ALK: variants seen among roughly 807,000 people sequenced by gnomAD.
The protein encoded by ALK is ALK tyrosine kinase receptor.
A neutral mutation model predicts 163.1 loss-of-function variants in ALK; 74 were observed. The observed-to-expected ratio is 0.45, with a 90% CI of 0.38 to 0.55. The LOEUF is 0.55. Ranked by LOEUF, ALK falls within the 20% of genes least tolerant of loss-of-function variation. ALK has a pLI of 0.00. For synonymous variants in ALK, 960 were observed against 843.2 expected (o/e 1.14, Z -2.40); for missense variants, 2,063 against 2,105.3 (o/e 0.98, Z 0.39).
At chr2:29,772,896 T>G (rs1681065579) in intron 1 of ALK, among the ~76,000 whole-genome samples, 1 of 152,174 alleles carries the variant, frequency 6.6e-6, no homozygotes, top group Non-Finnish European at 1.5e-5. Context: ...TGGCTTACCA[T>G]GCAACACAAG....
intron 1 of ALK, among the ~76,000 whole-genome samples, chr2:29,804,432 C>T (rs917655920): frequency 2.6e-5 from 4 of 152,186 alleles, no homozygotes; most frequent in Non-Finnish European, 4.4e-5. Context: ...TGGGTCACAA[C>T]GGACTTTCAA....
rs2148250122 is a variant in ALK at position 29,646,500 on chromosome 2, TC to T, written c.952+48349del. ...TCCAAACCCTCCAAAACCTTCCATT[TC>T]TCTAAGAGTATAAGCCAAAGTCCTT... On this transcript the variant is annotated intron_variant, in intron 3 of 28. Coordinates refer to ENST00000389048, the MANE Select transcript of ALK (RefSeq NM_004304.5). Among the ~76,000 whole-genome samples the T allele has an allele frequency of 1.3e-5, 2 of 152,220 alleles. 1 individual carries two copies. The highest frequency in any genetic ancestry group is 1.3e-4 in the Admixed American group (2 of 15,280).
At chr2:29,449,054 TA>T (rs1339974667) in intron 4 of ALK, among the ~76,000 whole-genome samples, 1 of 152,206 alleles carries the variant, frequency 6.6e-6, no homozygotes, top group Middle Eastern at 3.2e-3. Flanking sequence ...ACAAAGGCCA[TA>T]AACAATCTTT....
chr2:29,788,117 C>T (rs1189455407), intron 1 of ALK, among the ~76,000 whole-genome samples: 1 of 152,216 alleles, frequency 6.6e-6, no homozygotes, highest in Non-Finnish European at 1.5e-5. Context: ...TAGCCTATGA[C>T]CTGTCTATAA....
At chr2:29,280,538 G>A (rs1231756184) in intron 9 of ALK, among the ~76,000 whole-genome samples, 2 of 151,942 alleles carry the variant, frequency 1.3e-5, no homozygotes, top group African/African-American at 4.8e-5. Context: ...GAACACTGTG[G>A]GACTGAGGGG....
At chr2:29,883,033 G>C (rs1013242079) in intron 1 of ALK, among the ~76,000 whole-genome samples, 1 of 151,222 alleles carries the variant, frequency 6.6e-6, no homozygotes, top group Non-Finnish European at 1.5e-5. Context: ...TTTTCATGAA[G>C]GAAGGAAGGA....
At chr2:29,215,519 CGAT>C (rs1489786814) in intron 23 of ALK, among the ~76,000 whole-genome samples, 2 of 152,114 alleles carry the variant, frequency 1.3e-5, no homozygotes, top group Admixed American at 6.5e-5. Context: ...TCCATATTAA[CGAT>C]GAGAAGGCTG....
At chr2:29,620,073 A>G (rs1408234406) in intron 3 of ALK, among the ~76,000 whole-genome samples, 1 of 152,238 alleles carries the variant, frequency 6.6e-6, no homozygotes, top group East Asian at 1.9e-4. Context: ...TAATGCCTCA[A>G]TCTCTTAATC....
intron 1 of ALK, among the ~76,000 whole-genome samples, chr2:29,730,634 A>G (rs964931673): frequency 6.6e-6 from 1 of 152,212 alleles, no homozygotes; most frequent in Non-Finnish European, 1.5e-5. Flanking sequence ...AGAATCAGAG[A>G]GGCTAAGCCA....
chr2:29,210,289 G>A (rs1483554758), intron 24 of ALK, among the ~76,000 whole-genome samples: 1 of 152,154 alleles, frequency 6.6e-6, no homozygotes, highest in East Asian at 1.9e-4. Context: ...ATAACATAGG[G>A]CCATAAGGAA....
intron 14 of ALK, among the ~76,000 whole-genome samples, chr2:29,233,243 A>G (rs1000664141): frequency 3.3e-5 from 5 of 152,138 alleles, no homozygotes; most frequent in African/African-American, 9.7e-5. Context: ...CCTGGGTTCA[A>G]ATGATCCTCC....
At chr2:29,785,972 C>G (rs2148353823) in intron 1 of ALK, among the ~76,000 whole-genome samples, 1 of 150,890 alleles carries the variant, frequency 6.6e-6, no homozygotes. Context: ...ACCCTCTCTG[C>G]AAGGTTGGAA....
chr2:29,404,069 T>C (rs6547923), intron 4 of ALK, among the ~76,000 whole-genome samples: 141,484 of 152,148 alleles, frequency 0.93, 66,539 homozygotes, highest in Non-Finnish European at 1. Flanking sequence ...TTTGGGAGGC[T>C]GAGGTGGGTG....
At chr2:29,375,594 G>A (rs1184137471) in intron 5 of ALK, among the ~76,000 whole-genome samples, 1 of 152,154 alleles carries the variant, frequency 6.6e-6, no homozygotes. Flanking sequence ...TGGGATTACA[G>A]GTGTGAGCCA....
intron 4 of ALK, among the ~76,000 whole-genome samples, chr2:29,451,667 A>G (rs1490260083): frequency 6.6e-6 from 1 of 152,202 alleles, no homozygotes; most frequent in Admixed American, 6.5e-5. Context: ...TGCCGCATCC[A>G]AATCCGACAG....
At position 29,192,847 on chromosome 2, in the gene ALK, A is replaced by C; in HGVS notation, c.*377T>G. ...TGGCTCATGTCCACATCAACAAGGC[A>C]AGGAAACATCTATGACCCCAACTAT... On this transcript the variant is annotated 3_prime_UTR_variant, in exon 29 of 29. Coordinates refer to ENST00000389048, the MANE Select transcript of ALK (RefSeq NM_004304.5). The C allele has an allele frequency of 2.6e-6, 1 of 379,588 alleles. No homozygotes were observed. Among genetic ancestry groups the C allele is most frequent in the Non-Finnish European group, 4.9e-6 (1 of 204,920 alleles). The allele number at this position is 379,588 out of a possible 1,614,324, so 23.5% of individuals were successfully genotyped here.
chr2:29,620,767 G>A (rs775939434), intron 3 of ALK, among the ~76,000 whole-genome samples: 1 of 152,154 alleles, frequency 6.6e-6, no homozygotes, highest in East Asian at 1.9e-4. Context: ...TTACATGGGC[G>A]ATACAGTATA....
intron 1 of ALK, among the ~76,000 whole-genome samples, chr2:29,831,253 G>GAA (rs1665403948): frequency 6.0e-4 from 8 of 13,322 alleles, no homozygotes; most frequent in Admixed American, 1.5e-3. Context: ...AAGAGGAAGA[G>GAA]GAAGAGGAAG....
In ALK at chr2:29,921,335, A is replaced by C. The variant is rs1052119309; in HGVS notation, c.-676T>G. 4 of 232,960 alleles carry C rather than the reference A, an allele frequency of 1.7e-5. No individual in the cohort carries two copies. The highest frequency in any genetic ancestry group is 6.6e-5 in the African/African-American group (3 of 45,306). 14.4% of individuals were successfully genotyped at this position (232,960 alleles called of 1,614,324 possible). A position where few individuals can be genotyped will look rare whatever the true frequency, so the allele number is the denominator to read the frequency against. ...GCAAGTTTGCAGCGTCCTTGCTCTC[A>C]CCGGCGCCTCGGCTCCTCAGAGTTC... On this transcript the variant is annotated 5_prime_UTR_variant, in exon 1 of 29. Transcript: ENST00000389048.
Sources: gnomAD v4.1 joint callset for allele counts (sites outside exome capture counted in the v4.1 genomes callset) on GRCh38, gnomAD v4.1.1 for gene constraint, MANE v1.5 for transcripts, NCBI Gene and HGNC (gene_info 2026-07-23, HGNC 2026-07-21) for gene names.